PIK3C2G: variants seen among roughly 807,000 people sequenced by gnomAD.
The protein encoded by PIK3C2G is phosphatidylinositol 3-kinase C2 domain-containing subunit gamma.
PIK3C2G carries 168 observed loss-of-function variants against 181.1 expected under a neutral mutation model. That is an observed-to-expected ratio of 0.93 (90% CI 0.82 to 1.05). PIK3C2G has a LOEUF of 1.05. Among genes scored for constraint, PIK3C2G ranks in the 50% least tolerant of loss-of-function variants. PIK3C2G has a pLI of 0.00. For missense variants in PIK3C2G, 1,869 were observed against 1,732.8 expected (o/e 1.08, Z -1.40); for synonymous variants, 573 against 592.2 (o/e 0.97, Z 0.47).
At chr12:18,531,400 G>A (rs1943548091) in intron 24 of PIK3C2G, among the ~76,000 whole-genome samples, 1 of 151,980 alleles carries the variant, frequency 6.6e-6, no homozygotes, top group South Asian at 2.1e-4. Context: ...TCCTCCAATG[G>A]TAACATCTTA....
At chr12:18,621,231 A>C (rs1031263029) in intron 31 of PIK3C2G, among the ~76,000 whole-genome samples, 17 of 151,966 alleles carry the variant, frequency 1.1e-4, no homozygotes, top group African/African-American at 3.9e-4. Context: ...GAAAAGAAAA[A>C]CAAAGAGTTC....
intron 16 of PIK3C2G, among the ~76,000 whole-genome samples, chr12:18,418,955 G>A (rs1945326150): frequency 6.6e-6 from 1 of 152,116 alleles, no homozygotes; most frequent in Non-Finnish European, 1.5e-5. Flanking sequence ...AAGTAATAAA[G>A]AGGGGCAAAA....
chr12:18,244,453 C>T (rs1413409575), upstream of PIK3C2G, among the ~76,000 whole-genome samples: 1 of 151,822 alleles, frequency 6.6e-6, no homozygotes, highest in Non-Finnish European at 1.5e-5. Context: ...ATTTAGTAAA[C>T]AAGAACTTTT....
chr12:18,323,967 TC>T (rs1326946529), intron 7 of PIK3C2G, among the ~76,000 whole-genome samples: 1 of 152,056 alleles, frequency 6.6e-6, no homozygotes, highest in African/African-American at 2.4e-5. Flanking sequence ...ACGCCTGTAA[TC>T]CCAGCACTTT....
chr12:18,489,969 A>T (rs1940405223), intron 19 of PIK3C2G, among the ~76,000 whole-genome samples: 1 of 152,164 alleles, frequency 6.6e-6, no homozygotes, highest in African/African-American at 2.4e-5. Flanking sequence ...CTCTTCACAT[A>T]GGAAAATAGG....
the PIK3C2G span, among the ~76,000 whole-genome samples, chr12:18,686,339 A>G: frequency 6.6e-6 from 1 of 152,066 alleles, no homozygotes; most frequent in African/African-American, 2.4e-5. Context: ...TAGAAAAAAG[A>G]AAGTTCCTGA....
intron 29 of PIK3C2G, among the ~76,000 whole-genome samples, chr12:18,590,065 T>G (rs1384183511): frequency 2.6e-5 from 4 of 151,840 alleles, no homozygotes; most frequent in Non-Finnish European, 5.9e-5. Flanking sequence ...AATCATTTAT[T>G]CTCTCTGGTA....
chr12:18,475,537 C>T (rs112545900), intron 18 of PIK3C2G, among the ~76,000 whole-genome samples: 2,543 of 151,750 alleles, frequency 0.017, 30 homozygotes, highest in Non-Finnish European at 0.027. Context: ...ACTTTACCAA[C>T]GATGGGGGTT....
chr12:18,269,745 A>T (rs1948663567), intron 1 of PIK3C2G, among the ~76,000 whole-genome samples: 1 of 152,216 alleles, frequency 6.6e-6, no homozygotes, highest in Admixed American at 6.5e-5. Flanking sequence ...AATAAAGATG[A>T]CAATACACAT....
chr12:18,575,533 C>G (rs563900964), intron 29 of PIK3C2G, among the ~76,000 whole-genome samples: 1 of 152,170 alleles, frequency 6.6e-6, no homozygotes, highest in Admixed American at 6.5e-5. Context: ...GAACATTGTG[C>G]TGCAATATTA....
At chr12:18,531,313 T>C (rs1342339293) in intron 24 of PIK3C2G, among the ~76,000 whole-genome samples, 1 of 152,168 alleles carries the variant, frequency 6.6e-6, no homozygotes, top group Non-Finnish European at 1.5e-5. Flanking sequence ...ATAATACTTT[T>C]TATTTTGAGA....
intron 26 of PIK3C2G, among the ~76,000 whole-genome samples, chr12:18,559,776 T>TTATATATATATATATATA (rs369459549): frequency 4.7e-5 from 2 of 42,732 alleles, no homozygotes; most frequent in Non-Finnish European, 7.5e-5. Flanking sequence ...TTGTATGAAA[T>TTATATATATATATATATA]TATATATATA....
At chr12:18,559,613 T>C (rs1945187660) in intron 26 of PIK3C2G, among the ~76,000 whole-genome samples, 1 of 143,832 alleles carries the variant, frequency 7.0e-6, no homozygotes, top group Non-Finnish European at 1.6e-5. Flanking sequence ...ACTGGGGCTT[T>C]CTTCCAAAAA....
chr12:18,478,836 G>T (rs1043675922), intron 18 of PIK3C2G, among the ~76,000 whole-genome samples: 1 of 151,760 alleles, frequency 6.6e-6, no homozygotes, highest in Admixed American at 6.6e-5. Context: ...TTACCCAGAC[G>T]TGGCGGCGCA....
intron 13 of PIK3C2G, among the ~76,000 whole-genome samples, chr12:18,371,640 T>G (rs1485867930): frequency 6.6e-6 from 1 of 152,174 alleles, no homozygotes. Flanking sequence ...ATATTGTCAT[T>G]TAGAAAGAAT....
chr12:18,469,709 T>C (rs1244714929), intron 18 of PIK3C2G, among the ~76,000 whole-genome samples: 1 of 151,978 alleles, frequency 6.6e-6, no homozygotes, highest in Non-Finnish European at 1.5e-5. Flanking sequence ...ATATTATCTT[T>C]TGATATTACA....
At chr12:18,689,342 G>A in the PIK3C2G span, among the ~76,000 whole-genome samples, 1 of 152,100 alleles carries the variant, frequency 6.6e-6, no homozygotes, top group Non-Finnish European at 1.5e-5. Context: ...AGAATTTAGG[G>A]CAAGCTTGTC....
At chr12:18,420,383 C>T (rs557864212) in intron 16 of PIK3C2G, among the ~76,000 whole-genome samples, 2 of 152,168 alleles carry the variant, frequency 1.3e-5, no homozygotes, top group African/African-American at 2.4e-5. Context: ...AATCTTACAA[C>T]AGGCAAATGC....
intron 20 of PIK3C2G, 113 bp from the exon 21 acceptor site, chr12:18,495,949 G>A (rs1037344763): frequency 5.6e-6 from 3 of 540,462 alleles, no homozygotes; most frequent in African/African-American, 4.0e-5. Context: ...TGTTACATTT[G>A]TTCATACAAC....
Sources: allele counts gnomAD v4.1 joint callset (sites outside exome capture counted in the v4.1 genomes callset), GRCh38; gene constraint gnomAD v4.1.1; transcripts MANE v1.5; gene names NCBI Gene and HGNC (gene_info 2026-07-23, HGNC 2026-07-21).